FBRSL1: variants seen among roughly 807,000 people sequenced by gnomAD.
FBRSL1 encodes the protein fibrosin like 1, also known as fibrosin-1-like protein.
A neutral mutation model predicts 89.6 loss-of-function variants in FBRSL1; 51 were observed. The observed-to-expected ratio is 0.57, with a 90% CI of 0.45 to 0.72. FBRSL1 has a LOEUF of 0.72. Ranked by LOEUF, FBRSL1 falls within the 30% of genes least tolerant of loss-of-function variation. The pLI is 0.00. For missense variants in FBRSL1, 1,618 were observed against 1,451.8 expected, an observed-to-expected ratio of 1.11 and a Z score of -1.86; for synonymous variants, 779 against 681.1, an observed-to-expected ratio of 1.14 and a Z score of -2.24.
Position 132,583,341 on chromosome 12 carries a change from C to A in FBRSL1, c.2572C>A (p.Leu858Met). 1 of 1,173,032 alleles carries A rather than the reference C, an allele frequency of 8.5e-7. No homozygotes were observed. The highest frequency in any genetic ancestry group is 2.5e-5 in the South Asian group (1 of 39,514). The allele number at this position is 1,173,032 out of a possible 1,614,324, so 72.7% of individuals were successfully genotyped here. The stretch of plus-strand genomic sequence containing the variant: ...CTTCGCGTGGGAGCCTTTCCGCGGC[C>A]TGGAGCTGCCACGTCGCGCCTTCCC... ...PGFAWEPFRGLELPRRAFPAA... is the reference protein window; with the variant it reads ...PGFAWEPFRGMELPRRAFPAA... The change falls in exon 19 of 19, where the codon CTG (leucine) becomes ATG (methionine). Residue 858 changes from leucine (L) to methionine (M), a missense_variant. Physicochemically the swap from Leu to Met is conservative, Grantham distance 15. Coordinates refer to ENST00000680143, the MANE Select transcript of FBRSL1 (RefSeq NM_001367871.1).
At chr12:132,555,544 C>T (rs914971952) in intron 5 of FBRSL1, among the ~76,000 whole-genome samples, 14 of 151,544 alleles carry the variant, frequency 9.2e-5, no homozygotes, top group African/African-American at 3.2e-4. Flanking sequence ...GTGGGGGCCA[C>T]GGTAGCCGCC....
intron 5 of FBRSL1, chr12:132,553,649 C>T (rs2038378996): frequency 6.6e-6 from 1 of 152,226 alleles, no homozygotes; most frequent in Non-Finnish European, 1.5e-5. Flanking sequence ...GCGCCCGGGT[C>T]CTCAGATCAA....
Position 132,583,674 on chromosome 12 carries a change from C to T in FBRSL1, c.2905C>T (p.Pro969Ser), listed in dbSNP as rs1026675657. Reference sequence around the variant, plus strand: ...GACGGCGGCCGGGCCCCCCACGCCCCCCGGGCCGCCGCGGAGCCGGACTAC... The same window carrying T: ...GACGGCGGCCGGGCCCCCCACGCCCTCCGGGCCGCCGCGGAGCCGGACTAC... ...LVTAAGPPTPPGPPRSRTTPL... is the reference protein window; with the variant it reads ...LVTAAGPPTPSGPPRSRTTPL... The change falls in exon 19 of 19, where the codon CCC (proline) becomes TCC (serine). Residue 969 changes from proline to serine, a missense_variant. By Grantham distance (74) the Pro-to-Ser change is moderately conservative. Transcript: ENST00000680143. 1.6e-5 allele frequency: 18 copies of T among 1,118,940 alleles called. No homozygotes were observed. In the South Asian group the frequency reaches 1.7e-4, roughly 11 times the overall value. 69.3% of individuals were successfully genotyped at this position (1,118,940 alleles called of 1,614,324 possible). A position where few individuals can be genotyped will look rare whatever the true frequency, so the allele number is the denominator to read the frequency against.
At position 132,583,191 on chromosome 12, in the gene FBRSL1, GC is replaced by G. The variant is rs1278877655; in HGVS notation, c.2426del (p.Pro809LeufsTer4). The G allele has an allele frequency of 2.1e-6, 3 of 1,449,594 alleles. No homozygotes were observed. Among genetic ancestry groups the G allele is most frequent in the African/African-American group, 1.5e-5 (1 of 67,170 alleles). 89.8% of individuals were successfully genotyped at this position (1,449,594 alleles called of 1,614,324 possible). On this transcript the variant is annotated frameshift_variant, in exon 19 of 19. Coordinates refer to ENST00000680143, the MANE Select transcript of FBRSL1 (RefSeq NM_001367871.1). LOFTEE classifies it high-confidence loss of function. Reference sequence around the variant, plus strand: ...CGCATCCCCGCCCCACAGCAAGGCGGCCCCTGGAGACGTGAAGGTCAAGGAG... The same window carrying G: ...CGCATCCCCGCCCCACAGCAAGGCGGCCCTGGAGACGTGAAGGTCAAGGAG... Reference protein sequence around the residue: ...ARASPPHSKAAPGDVKVKEER... With the variant: ...ARASPPHSKAXPGDVKVKEER...
chr12:132,535,924 T>C (rs1013209416), intron 4 of FBRSL1, among the ~76,000 whole-genome samples: 12 of 148,108 alleles, frequency 8.1e-5, no homozygotes, highest in African/African-American at 3.0e-4. Flanking sequence ...CATGATGGTG[T>C]GTGTGAGTGC....
intron 2 of FBRSL1, among the ~76,000 whole-genome samples, chr12:132,519,506 A>G (rs2035159087): frequency 6.6e-6 from 1 of 152,226 alleles, no homozygotes; most frequent in Admixed American, 6.5e-5. Context: ...TCTCCTTCCC[A>G]TAGGCTATGC....
intron 14 of FBRSL1, among the ~76,000 whole-genome samples, chr12:132,575,008 C>G (rs1290667134): frequency 6.6e-6 from 1 of 151,996 alleles, no homozygotes; most frequent in Non-Finnish European, 1.5e-5. Flanking sequence ...AGGCGGGAGC[C>G]CCGCGGGCAG....
intron 4 of FBRSL1, among the ~76,000 whole-genome samples, chr12:132,537,164 C>T (rs895873791): frequency 4.6e-5 from 7 of 152,188 alleles, no homozygotes; most frequent in African/African-American, 7.2e-5. Flanking sequence ...GATGGCCGCC[C>T]TGTCGTGTGG....
At chr12:132,532,750 G>A (rs2036395853) in intron 4 of FBRSL1, among the ~76,000 whole-genome samples, 1 of 152,232 alleles carries the variant, frequency 6.6e-6, no homozygotes, top group Non-Finnish European at 1.5e-5. Context: ...GCCAGCCGAA[G>A]CAGGCATAGG....
chr12:132,535,394 T>G (rs1420347032), intron 4 of FBRSL1, among the ~76,000 whole-genome samples: 1 of 152,178 alleles, frequency 6.6e-6, no homozygotes, highest in Non-Finnish European at 1.5e-5. Context: ...CCACACGCCA[T>G]CCGCTGTGGG....
At position 132,545,417 on chromosome 12, in the gene FBRSL1, C is replaced by T. The variant is rs1199549212; in HGVS notation, c.616-2586C>T. On this transcript the variant is annotated intron_variant, in intron 4 of 18. Coordinates refer to ENST00000680143, the MANE Select transcript of FBRSL1 (RefSeq NM_001367871.1). ...ATTAATTCAGTAGGACTTAATAACA[C>T]GAATTCATTCACGCCCCTGCCTGCG... Among the ~76,000 whole-genome samples the T allele has an allele frequency of 2.6e-5, 4 of 152,348 alleles. No homozygotes were observed. In the South Asian group the frequency reaches 6.2e-4, roughly 24 times the overall value.
chr12:132,581,928 TG>T, intron 17 of FBRSL1, 104 bp downstream of exon 17: 1 of 1,313,638 alleles, frequency 7.6e-7, no homozygotes, highest in Admixed American at 2.4e-5. Flanking sequence ...CCCTCCTCTC[TG>T]GGCTGGGCCT....
chr12:132,579,979 C>T (rs1045317033), intron 15 of FBRSL1, among the ~76,000 whole-genome samples: 9 of 152,178 alleles, frequency 5.9e-5, no homozygotes, highest in South Asian at 2.1e-4. Flanking sequence ...GGTGTCCATC[C>T]GTCACGCCTG....
At position 132,585,031 on chromosome 12, in the gene FBRSL1, C is replaced by T. The variant is rs1181389185; in HGVS notation, c.*1253C>T. 6.6e-6 allele frequency: 1 copy of T among 152,022 alleles called. No individual in the cohort carries two copies. Among genetic ancestry groups the T allele is most frequent in the Non-Finnish European group, 1.5e-5 (1 of 67,998 alleles). The allele number at this position is 152,022 out of a possible 1,614,324, so 9.4% of individuals were successfully genotyped here. A position where few individuals can be genotyped will look rare whatever the true frequency, so the allele number is the denominator to read the frequency against. ...GTGTTCCCCGATGTCTGGGCTGTGT[C>T]CCTGCCGGGATTCCCAGCCTTCGGG... On this transcript the variant is annotated 3_prime_UTR_variant, in exon 19 of 19. Transcript: ENST00000680143.
chr12:132,579,755 G>C (rs569496930), intron 15 of FBRSL1, among the ~76,000 whole-genome samples: 20 of 152,312 alleles, frequency 1.3e-4, no homozygotes, highest in Non-Finnish European at 2.5e-4. Flanking sequence ...TCTTCAGTGA[G>C]TTAAGGCGCT....
intron 5 of FBRSL1, among the ~76,000 whole-genome samples, chr12:132,560,824 G>C (rs2039062945): frequency 6.6e-6 from 1 of 152,242 alleles, no homozygotes; most frequent in Admixed American, 6.5e-5. Context: ...TACCCCACGC[G>C]GGCTAGGAGG....
At chr12:132,498,112 TG>T (rs1158484103) in intron 1 of FBRSL1, among the ~76,000 whole-genome samples, 1 of 152,094 alleles carries the variant, frequency 6.6e-6, no homozygotes, top group East Asian at 1.9e-4. Flanking sequence ...GGGTGCCTGC[TG>T]TTTCTTTGGG....
chr12:132,570,071 C>A lies in FBRSL1; in HGVS notation c.837C>A (p.Pro279=). 6.7e-7 allele frequency: 1 copy of A among 1,491,228 alleles called. No homozygotes were observed. Among genetic ancestry groups the A allele is most frequent in the Non-Finnish European group, 8.9e-7 (1 of 1,127,946 alleles). The allele number at this position is 1,491,228 out of a possible 1,614,324, so 92.4% of individuals were successfully genotyped here. A position where few individuals can be genotyped will look rare whatever the true frequency, so the allele number is the denominator to read the frequency against. The part of the protein sequence containing the change: ...PHAAPCPGPP[P]GSRANPLVKK... ...CCGCGCCCTGCCCGGGGCCCCCGCC[C>A]GGCTCCCGCGCCAATCCCTTGGTGA... The change falls in exon 7 of 19, where the codon CCC becomes CCA. Residue 279 remains proline (P), a synonymous_variant. Transcript: ENST00000680143.
chr12:132,511,679 G>A (rs1477360464), intron 2 of FBRSL1: 1 of 985,456 alleles, frequency 1.0e-6, no homozygotes, highest in Non-Finnish European at 1.2e-6. Flanking sequence ...TGCCTCAGGT[G>A]TCAGGAAGGG....
Sources: allele counts gnomAD v4.1 joint callset (sites outside exome capture counted in the v4.1 genomes callset), GRCh38; gene constraint gnomAD v4.1.1; transcripts MANE v1.5; gene names NCBI Gene and HGNC (gene_info 2026-07-23, HGNC 2026-07-21).